Variants in GSE1 observed in about 807,000 individuals in gnomAD.
GSE1 encodes the protein Gse1 coiled-coil protein, also known as genetic suppressor element 1.
Under a neutral mutation model 112.6 loss-of-function variants are expected in GSE1, and 32 were observed. The observed-to-expected ratio is 0.28, with a 90% CI of 0.21 to 0.38. The LOEUF is 0.38. GSE1 is among the 10% of genes least tolerant of loss of function. The pLI, the probability that GSE1 is intolerant of heterozygous loss-of-function variation, is 1.00. For missense variants in GSE1, 2,348 were observed against 1,699.2 expected, an observed-to-expected ratio of 1.38 and a Z score of -6.71; for synonymous variants, 1,115 against 735.6, an observed-to-expected ratio of 1.52 and a Z score of -8.35.
intron 2 of GSE1, among the ~76,000 whole-genome samples, chr16:85,446,428 C>A (rs889785896): frequency 2.0e-5 from 3 of 152,204 alleles, no homozygotes; most frequent in South Asian, 4.1e-4. Context: ...GCTCTTGGAC[C>A]AACGCCTGGC....
chr16:85,668,530 C>A, intron 14 of GSE1, 106 bp downstream of exon 14: 4 of 758,388 alleles, frequency 5.3e-6, no homozygotes, highest in Non-Finnish European at 8.5e-6. Context: ...GGGACTGTTT[C>A]TCCGTCCTGG....
intron 1 of GSE1, chr16:85,580,098 G>A (rs1041424371): frequency 2.0e-5 from 3 of 152,278 alleles, no homozygotes; most frequent in Non-Finnish European, 4.4e-5. Context: ...CAACCAGAGA[G>A]GGCCTCTTCT....
At chr16:85,197,390 C>G (rs895724229) in intron 1 of GSE1, among the ~76,000 whole-genome samples, 9 of 152,306 alleles carry the variant, frequency 5.9e-5, no homozygotes. Context: ...CTTTCTCTTC[C>G]TCGGGGAATT....
intron 2 of GSE1, among the ~76,000 whole-genome samples, chr16:85,506,611 T>C (rs922900137): frequency 6.6e-6 from 1 of 152,050 alleles, no homozygotes; most frequent in Non-Finnish European, 1.5e-5. Context: ...GAAAACGCAC[T>C]CTCATGGGTC....
At chr16:85,199,549 CTG>C (rs770457571) in intron 1 of GSE1, among the ~76,000 whole-genome samples, 8 of 152,230 alleles carry the variant, frequency 5.3e-5, no homozygotes, top group Non-Finnish European at 1.0e-4. Context: ...ATCGGCTTAG[CTG>C]CGAAAAGAGA....
At chr16:85,362,413 G>A (rs188484336) in intron 2 of GSE1, among the ~76,000 whole-genome samples, 10 of 152,338 alleles carry the variant, frequency 6.6e-5, no homozygotes, top group Admixed American at 5.9e-4. Context: ...CACCTTGGGA[G>A]AGAAGCAGCA....
At chr16:85,670,494 T>A (rs2053241884) in intron 14 of GSE1, 1 of 152,292 alleles carries the variant, frequency 6.6e-6, no homozygotes, top group Non-Finnish European at 1.5e-5. Context: ...GGTATCCAGA[T>A]TGTGAGCACT....
chr16:85,642,401 C>T (rs2050516148), intron 2 of GSE1, among the ~76,000 whole-genome samples: 1 of 152,250 alleles, frequency 6.6e-6, no homozygotes, highest in South Asian at 2.1e-4. Flanking sequence ...AGCAGACACA[C>T]AGGGTCCCCT....
At chr16:85,486,635 C>A (rs1187664159) in intron 2 of GSE1, among the ~76,000 whole-genome samples, 4 of 152,198 alleles carry the variant, frequency 2.6e-5, no homozygotes, top group African/African-American at 9.6e-5. Flanking sequence ...CCCTGGTCCC[C>A]AGCCTCGTCC....
intron 2 of GSE1, among the ~76,000 whole-genome samples, chr16:85,395,009 G>C (rs2047934482): frequency 6.6e-6 from 1 of 152,084 alleles, no homozygotes; most frequent in African/African-American, 2.4e-5. Flanking sequence ...AGACATATAG[G>C]AATTAGGCCT....
rs553838437 is a variant in GSE1, at chr16:85,429,110, A to C, written c.2464+71467A>C. 3.9e-5 allele frequency among the ~76,000 whole-genome samples: 6 copies of C among 152,352 alleles called. No individual in the cohort carries two copies. The East Asian group carries it at 1.2e-3, about 29-fold the overall frequency. ...ACTCACGGTAAACAGCCGCAGGAGC[A>C]GCAGGTGCCTGCTCATCACAAGCAC... On this transcript the variant is annotated intron_variant, in intron 2 of 2. Transcript: ENST00000637419.
intron 1 of GSE1, among the ~76,000 whole-genome samples, chr16:85,327,815 C>CG (rs1210449607): frequency 4.6e-5 from 7 of 152,226 alleles, no homozygotes; most frequent in South Asian, 2.1e-4. Context: ...ACTGAGGTCC[C>CG]GGGGGGAGAG....
chr16:85,352,430 TGA>T (rs2046869351), intron 1 of GSE1, among the ~76,000 whole-genome samples: 1 of 152,188 alleles, frequency 6.6e-6, no homozygotes, highest in Admixed American at 6.5e-5. Context: ...CCAGTCTGCT[TGA>T]GCCCCTTGAA....
chr16:85,608,104 G>A (rs1203241199), upstream of GSE1, among the ~76,000 whole-genome samples: 4 of 152,216 alleles, frequency 2.6e-5, no homozygotes, highest in African/African-American at 9.7e-5. Context: ...CTTCTTGCAA[G>A]AGATAAGATG....
At chr16:85,629,656 C>A (rs952812556) in intron 1 of GSE1, among the ~76,000 whole-genome samples, 9 of 152,142 alleles carry the variant, frequency 5.9e-5, no homozygotes, top group Non-Finnish European at 2.9e-5. Context: ...TCTCATAGGG[C>A]GGCCAAGATG....
At chr16:85,188,150 C>G (rs2074746315) in intron 1 of GSE1, among the ~76,000 whole-genome samples, 1 of 152,166 alleles carries the variant, frequency 6.6e-6, no homozygotes. Context: ...GATCCAGGCT[C>G]CCTCAACACC....
chr16:85,383,259 CTT>C (rs1045188733), intron 2 of GSE1, among the ~76,000 whole-genome samples: 7 of 152,088 alleles, frequency 4.6e-5, no homozygotes, highest in African/African-American at 1.7e-4. Flanking sequence ...CTGTCACACA[CTT>C]GAGCATACAC....
At position 85,283,870 on chromosome 16, in the gene GSE1, G is replaced by A. The variant is rs78232991; in HGVS notation, c.2284-73593G>A. On this transcript the variant is annotated intron_variant, in intron 1 of 2. Transcript: ENST00000637419. ...GGCTGCACAGCTAGGAAATGCTGGA[G>A]CTGGGCTTTAATCTCAGGCCGTCTG... 2.8e-4 allele frequency among the ~76,000 whole-genome samples: 42 copies of A among 152,298 alleles called. No individual in the cohort carries two copies. The East Asian group carries it at 7.5e-3, about 27-fold the overall frequency.
chr16:85,594,875 G>C (rs913299399), intron 1 of GSE1: 31 of 152,434 alleles, frequency 2.0e-4, no homozygotes, highest in African/African-American at 7.2e-4. Context: ...GGCATCATTG[G>C]AGGCCCACGA....
Sources: gnomAD v4.1 joint callset for allele counts (sites outside exome capture counted in the v4.1 genomes callset) on GRCh38, gnomAD v4.1.1 for gene constraint, MANE v1.5 for transcripts, NCBI Gene and HGNC (gene_info 2026-07-23, HGNC 2026-07-21) for gene names.